The following CSMD3 variants were observed in gnomAD, a reference collection of about 807,000 sequenced individuals.
The protein encoded by CSMD3 is CUB and sushi domain-containing protein 3.
In CSMD3, 177 loss-of-function variants were observed where a neutral mutation model predicts 435.2. That is an observed-to-expected ratio of 0.41 (90% CI 0.36 to 0.46). The LOEUF (loss-of-function observed/expected upper bound fraction) is 0.46. Among genes scored for constraint, CSMD3 ranks in the 20% least tolerant of loss-of-function variants. CSMD3 has a pLI of 0.34. For synonymous variants in CSMD3, 1,656 were observed against 1,520.5 expected, an observed-to-expected ratio of 1.09 and a Z score of -2.07; for missense variants, 4,265 against 4,504.6, an observed-to-expected ratio of 0.95 and a Z score of 1.52.
intron 4 of CSMD3, among the ~76,000 whole-genome samples, chr8:113,104,120 T>A (rs2090408698): frequency 6.6e-6 from 1 of 152,126 alleles, no homozygotes. Context: ...TACCTTGCTA[T>A]TAGTTTCTGC....
At chr8:112,576,503 C>G (rs902665576) in intron 23 of CSMD3, among the ~76,000 whole-genome samples, 4 of 151,906 alleles carry the variant, frequency 2.6e-5, no homozygotes, top group Non-Finnish European at 5.9e-5. Context: ...TAGAAGCACA[C>G]AGCATACATT....
chr8:112,981,817 A>C (rs2085063758), intron 6 of CSMD3, among the ~76,000 whole-genome samples: 1 of 151,770 alleles, frequency 6.6e-6, no homozygotes, highest in Non-Finnish European at 1.5e-5. Flanking sequence ...TTTTATATGA[A>C]ATATGGAAAT....
chr8:113,147,901 T>C (rs2091714667), intron 4 of CSMD3, among the ~76,000 whole-genome samples: 1 of 151,732 alleles, frequency 6.6e-6, no homozygotes, highest in African/African-American at 2.4e-5. Flanking sequence ...CTGATCACTC[T>C]TATCCAAGCC....
chr8:112,766,951 A>C (rs2077994904), intron 13 of CSMD3, among the ~76,000 whole-genome samples: 1 of 151,872 alleles, frequency 6.6e-6, no homozygotes, highest in South Asian at 2.1e-4. Context: ...ATAAATAGTG[A>C]CTTAGCTTGT....
chr8:112,847,895 G>GA lies in CSMD3; in HGVS notation c.1755+11249dup, dbSNP rs539558817. 9.9e-4 allele frequency among the ~76,000 whole-genome samples: 151 copies of GA among 152,164 alleles called. 1 individual carries two copies. Among genetic ancestry groups the GA allele is most frequent in the African/African-American group, 3.5e-3 (147 of 41,522 alleles). On this transcript the variant is annotated intron_variant, in intron 11 of 70. Coordinates refer to ENST00000297405, the MANE Select transcript of CSMD3 (RefSeq NM_198123.2). Reference sequence around the variant, plus strand: ...TAAGATTGTATTTAATGGATCTAAAGAAAAAACATGGGCTTAAATGTATTG... The same window carrying GA: ...TAAGATTGTATTTAATGGATCTAAAGAAAAAAACATGGGCTTAAATGTATTG...
At chr8:112,717,933 G>A (rs2076769573) in intron 13 of CSMD3, among the ~76,000 whole-genome samples, 1 of 152,044 alleles carries the variant, frequency 6.6e-6, no homozygotes, top group Admixed American at 6.6e-5. Context: ...GCAAGGAATG[G>A]GAGAGCATCA....
At chr8:112,678,771 T>G (rs1347953799) in intron 16 of CSMD3, among the ~76,000 whole-genome samples, 1 of 152,064 alleles carries the variant, frequency 6.6e-6, no homozygotes, top group African/African-American at 2.4e-5. Flanking sequence ...AAGTAGAAAT[T>G]TAGTTGTATT....
intron 13 of CSMD3, among the ~76,000 whole-genome samples, chr8:112,720,593 G>A (rs1306517333): frequency 6.6e-6 from 1 of 152,096 alleles, no homozygotes; most frequent in Non-Finnish European, 1.5e-5. Context: ...GTAGATCTAG[G>A]AGTAAACTCT....
chr8:112,680,221 G>A (rs1563844212), intron 16 of CSMD3, among the ~76,000 whole-genome samples: 1 of 152,110 alleles, frequency 6.6e-6, no homozygotes, highest in Non-Finnish European at 1.5e-5. Context: ...AGATGGGTGT[G>A]GTGATGTGCA....
chr8:112,489,336 A>T (rs935580417), intron 31 of CSMD3, among the ~76,000 whole-genome samples: 6 of 152,142 alleles, frequency 3.9e-5, no homozygotes, highest in Admixed American at 2.0e-4. Context: ...GAGGTGGGAG[A>T]ACTGCTTGAA....
At chr8:112,699,100 G>A (rs1163941524) in intron 13 of CSMD3, among the ~76,000 whole-genome samples, 2 of 152,124 alleles carry the variant, frequency 1.3e-5, no homozygotes, top group African/African-American at 4.8e-5. Flanking sequence ...GGCCACCCAA[G>A]CCAGCAGCAG....
rs1194982131 is a variant in CSMD3, at chr8:113,086,245, T to C, written c.917+12511A>G. On this transcript the variant is annotated intron_variant, in intron 5 of 70. Transcript: ENST00000297405. ...GCCTGGGCAACAAAGCGAGACTCCG[T>C]CAAAAAAAAAAAAAAAGAGCCAACC... Among the ~76,000 whole-genome samples the C allele has an allele frequency of 3.6e-5, 5 of 139,228 alleles. No homozygotes were observed. In the East Asian group the frequency reaches 8.3e-4, roughly 23 times the overall value. 91.3% of individuals were successfully genotyped at this position (139,228 alleles called of 152,430 possible).
intron 13 of CSMD3, among the ~76,000 whole-genome samples, chr8:112,784,450 C>CA (rs894214156): frequency 1.3e-4 from 20 of 150,426 alleles, no homozygotes; most frequent in African/African-American, 4.1e-4. Context: ...AAAATTGAAA[C>CA]AAAAAAAATA....
chr8:112,911,574 T>C (rs1321073172), intron 10 of CSMD3, among the ~76,000 whole-genome samples: 2 of 151,582 alleles, frequency 1.3e-5, no homozygotes, highest in Non-Finnish European at 3.0e-5. Context: ...TGTTGTCACA[T>C]ATAATAACAT....
intron 1 of CSMD3, among the ~76,000 whole-genome samples, chr8:113,420,621 A>T (rs1226252973): frequency 6.6e-6 from 1 of 152,152 alleles, no homozygotes; most frequent in Non-Finnish European, 1.5e-5. Context: ...AAATACGTCT[A>T]TATACATATA....
intron 5 of CSMD3, among the ~76,000 whole-genome samples, chr8:113,076,353 G>C (rs1299599942): frequency 1.3e-5 from 2 of 151,652 alleles, no homozygotes; most frequent in African/African-American, 4.8e-5. Context: ...TCATAACATT[G>C]GTCTAATCCC....
At chr8:112,534,799 G>T (rs978625134) in intron 27 of CSMD3, among the ~76,000 whole-genome samples, 1 of 151,966 alleles carries the variant, frequency 6.6e-6, no homozygotes, top group Non-Finnish European at 1.5e-5. Flanking sequence ...CTGGCAAACC[G>T]AATCCAGCAG....
chr8:112,344,674 T>A (rs1825493771), intron 41 of CSMD3, among the ~76,000 whole-genome samples: 1 of 152,116 alleles, frequency 6.6e-6, no homozygotes, highest in Admixed American at 6.5e-5. Flanking sequence ...AAGCACTTCT[T>A]TTAGTGCATT....
At chr8:113,366,313 C>A (rs1319048564) in intron 1 of CSMD3, among the ~76,000 whole-genome samples, 2 of 151,902 alleles carry the variant, frequency 1.3e-5, no homozygotes, top group East Asian at 1.9e-4. Context: ...AAGGATAAAT[C>A]TGGAGGAGAG....
Sources: allele counts gnomAD v4.1 joint callset (sites outside exome capture counted in the v4.1 genomes callset), GRCh38; gene constraint gnomAD v4.1.1; transcripts MANE v1.5; gene names NCBI Gene and HGNC (gene_info 2026-07-23, HGNC 2026-07-21).